Variants in KCNU1 observed in about 807,000 individuals in gnomAD.
The protein encoded by KCNU1 is potassium calcium-activated channel subfamily U member 1, also known as potassium channel subfamily U member 1.
A neutral mutation model predicts 126.8 loss-of-function variants in KCNU1; 93 were observed. That is an observed-to-expected ratio of 0.73 (90% CI 0.62 to 0.87). The LOEUF is 0.87. KCNU1 is among the 40% of genes least tolerant of loss of function. The pLI is 0.00. For synonymous variants in KCNU1, 523 were observed against 494.2 expected (o/e 1.06, Z -0.77); for missense variants, 1,330 against 1,367.1 (o/e 0.97, Z 0.43).
intron 10 of KCNU1, among the ~76,000 whole-genome samples, chr8:36,820,293 C>A (rs1385914354): frequency 1.3e-5 from 2 of 152,064 alleles, no homozygotes; most frequent in African/African-American, 2.4e-5. Flanking sequence ...ATAATTGATA[C>A]AACAAGTGGT....
At chr8:36,904,320 A>T (rs1363379031) in intron 19 of KCNU1, among the ~76,000 whole-genome samples, 1 of 152,124 alleles carries the variant, frequency 6.6e-6, no homozygotes, top group East Asian at 1.9e-4. Context: ...GACCCTGAGA[A>T]CTTCACCTGA....
intron 18 of KCNU1, among the ~76,000 whole-genome samples, chr8:36,856,671 C>T (rs1398250491): frequency 6.6e-6 from 1 of 152,202 alleles, no homozygotes; most frequent in Non-Finnish European, 1.5e-5. Flanking sequence ...TCCTAGACTA[C>T]ACTAGCAGGC....
intron 2 of KCNU1, among the ~76,000 whole-genome samples, chr8:36,798,492 C>G (rs1803187568): frequency 6.6e-6 from 1 of 152,122 alleles, no homozygotes; most frequent in Admixed American, 6.5e-5. Context: ...TCTTTTTCTT[C>G]CAGGCCTTCC....
In KCNU1 at chr8:36,914,880, C is replaced by G. The variant is rs538828919; in HGVS notation, c.2521+3761C>G. On this transcript the variant is annotated intron_variant, in intron 22 of 26. Coordinates refer to ENST00000399881, the MANE Select transcript of KCNU1 (RefSeq NM_001031836.3). The stretch of plus-strand genomic sequence containing the variant: ...TTAAGCAATCTTTTGTAATAGCACC[C>G]TGCCAGGCTGGAAGATTTCAGGTAT... Among the ~76,000 whole-genome samples, 22 of 152,258 alleles carry G rather than the reference C, an allele frequency of 1.4e-4. No individual in the cohort carries two copies. In the South Asian group the frequency reaches 4.6e-3, roughly 32 times the overall value.
intron 18 of KCNU1, among the ~76,000 whole-genome samples, chr8:36,847,817 A>G (rs962939166): frequency 2.6e-5 from 4 of 152,190 alleles, no homozygotes; most frequent in African/African-American, 7.2e-5. Flanking sequence ...GATTATTTTT[A>G]TAGATACACA....
chr8:36,853,145 T>G (rs1302562721), intron 18 of KCNU1, among the ~76,000 whole-genome samples: 4 of 151,980 alleles, frequency 2.6e-5, no homozygotes, highest in Non-Finnish European at 5.9e-5. Context: ...AGATCAGGAG[T>G]TCGAGACCAG....
chr8:36,858,827 A>G (rs756756617), intron 18 of KCNU1, among the ~76,000 whole-genome samples: 1 of 152,190 alleles, frequency 6.6e-6, no homozygotes, highest in Non-Finnish European at 1.5e-5. Flanking sequence ...ATATCTAGGG[A>G]TAAGTTAATG....
chr8:36,848,999 G>T (rs1053620265), intron 18 of KCNU1, among the ~76,000 whole-genome samples: 1 of 151,992 alleles, frequency 6.6e-6, no homozygotes, highest in African/African-American at 2.4e-5. Flanking sequence ...TCCATTTACA[G>T]TGTACAATTC....
In KCNU1 at chr8:36,918,693, G is replaced by A. The variant is rs534878857; in HGVS notation, c.2522-130G>A. 5.4e-5 allele frequency: 36 copies of A among 663,530 alleles called. No individual in the cohort carries two copies. The East Asian group carries it at 8.8e-4, about 16-fold the overall frequency. The allele number at this position is 663,530 out of a possible 1,614,324, so 41.1% of individuals were successfully genotyped here. On this transcript the variant is annotated intron_variant, in intron 22 of 26. Transcript: ENST00000399881. ...CAATTTTTTGTCTAAACATAGTAAA[G>A]GATTTGGGATTTATACATGAAAGTA...
chr8:36,878,997 C>A (rs2117389659), intron 19 of KCNU1, among the ~76,000 whole-genome samples: 1 of 147,456 alleles, frequency 6.8e-6, no homozygotes. Context: ...ATTTACTTAG[C>A]AACTATGATA....
chr8:36,881,597 G>A (rs571069963), intron 19 of KCNU1, among the ~76,000 whole-genome samples: 52 of 152,080 alleles, frequency 3.4e-4, no homozygotes, highest in African/African-American at 1.1e-3. Flanking sequence ...ACACTATGAC[G>A]TCCATTCTGA....
chr8:36,806,000 C>T (rs11775036), intron 4 of KCNU1, among the ~76,000 whole-genome samples: 27,985 of 152,018 alleles, frequency 0.18, 2,724 homozygotes, highest in Middle Eastern at 0.38. Context: ...GCTGCAACCA[C>T]GTGCAGCTAA....
chr8:36,903,388 A>G (rs1212307268), intron 19 of KCNU1, among the ~76,000 whole-genome samples: 2 of 152,158 alleles, frequency 1.3e-5, no homozygotes, highest in Middle Eastern at 3.2e-3. Context: ...ATTTCTCCCA[A>G]GATGTAGAGT....
intron 19 of KCNU1, 79 bp from the exon 20 acceptor site, chr8:36,905,629 C>G: frequency 1.2e-6 from 1 of 808,030 alleles, no homozygotes; most frequent in East Asian, 2.4e-5. Flanking sequence ...GCTCAAGGCT[C>G]TAATGAGTTT....
At chr8:36,829,230 CT>C (rs1804439217) in intron 10 of KCNU1, among the ~76,000 whole-genome samples, 1 of 151,938 alleles carries the variant, frequency 6.6e-6, no homozygotes, top group African/African-American at 2.4e-5. Flanking sequence ...TGTCTTATTG[CT>C]GAATATTACA....
intron 10 of KCNU1, among the ~76,000 whole-genome samples, chr8:36,829,933 T>C (rs1804468616): frequency 6.6e-6 from 1 of 150,984 alleles, no homozygotes; most frequent in African/African-American, 2.4e-5. Flanking sequence ...AAAAACACAA[T>C]TAAATTTTGT....
At chr8:36,844,756 G>C (rs914218135) in intron 16 of KCNU1, among the ~76,000 whole-genome samples, 1 of 152,170 alleles carries the variant, frequency 6.6e-6, no homozygotes, top group Non-Finnish European at 1.5e-5. Context: ...CAAGAGAAGG[G>C]ATGATTTTTA....
At chr8:36,861,084 G>A (rs1242595075) in intron 18 of KCNU1, among the ~76,000 whole-genome samples, 1 of 152,078 alleles carries the variant, frequency 6.6e-6, no homozygotes, top group Non-Finnish European at 1.5e-5. Flanking sequence ...CAGCAATGAA[G>A]AACAGTCAGA....
rs563695570 is a variant in KCNU1 at position 36,870,807 on chromosome 8, G to C, written c.2009+6286G>C. 3.9e-5 allele frequency among the ~76,000 whole-genome samples: 6 copies of C among 152,260 alleles called. No homozygotes were observed. In the South Asian group the frequency reaches 1.2e-3, roughly 32 times the overall value. On this transcript the variant is annotated intron_variant, in intron 19 of 26. Coordinates refer to ENST00000399881, the MANE Select transcript of KCNU1 (RefSeq NM_001031836.3). ...TCTTTCATTCATATAAGCCTACTGA[G>C]TGATGCCTTTACTGTAGCATTTCAA...
Sources: allele counts gnomAD v4.1 joint callset (sites outside exome capture counted in the v4.1 genomes callset), GRCh38; gene constraint gnomAD v4.1.1; transcripts MANE v1.5; gene names NCBI Gene and HGNC (gene_info 2026-07-23, HGNC 2026-07-21).